Variants in BID observed in about 807,000 individuals in gnomAD.
BID encodes the protein BH3-interacting domain death agonist.
A neutral mutation model predicts 17.4 loss-of-function variants in BID; 19 were observed. The ratio of observed to expected loss-of-function variants is 1.09; its 90% CI spans 0.76 to 1.60. The LOEUF (loss-of-function observed/expected upper bound fraction) is 1.60. Ranked by LOEUF, BID falls within the 40% of genes most tolerant of loss-of-function variation. The pLI, the probability that BID is intolerant of heterozygous loss-of-function variation, is 0.00. For synonymous variants in BID, 108 were observed against 102.8 expected, an observed-to-expected ratio of 1.05 and a Z score of -0.31; for missense variants, 226 against 256.0, an observed-to-expected ratio of 0.88 and a Z score of 0.80.
chr22:17,763,363 C>T (rs569059589), intron 1 of BID, among the ~76,000 whole-genome samples: 1 of 152,168 alleles, frequency 6.6e-6, no homozygotes, highest in South Asian at 2.1e-4. Context: ...CCTGCCTCAG[C>T]CTCCCAAGTA....
chr22:17,770,656 C>T (rs747543470), intron 1 of BID, among the ~76,000 whole-genome samples: 2 of 152,270 alleles, frequency 1.3e-5, no homozygotes, highest in Non-Finnish European at 2.9e-5. Context: ...AGGGCCGTGA[C>T]GGCGGCGGGG....
chr22:17,749,995 G>T, intron 2 of BID, 110 bp downstream of exon 2: 2 of 1,092,750 alleles, frequency 1.8e-6, no homozygotes, highest in Non-Finnish European at 2.7e-6. Flanking sequence ...TGTGGTAAGG[G>T]CCAGGCGGGC....
Position 17,773,705 on chromosome 22 carries a change from G to A in BID, c.-59+676C>T. On this transcript the variant is annotated intron_variant, in intron 1 of 5. Coordinates refer to ENST00000622694, the MANE Select transcript of BID (RefSeq NM_001196.4). This position sits in a 1 kb window ranked among gnomAD's most constrained non-coding sequence, Gnocchi z 4.4. Reference sequence around the variant, plus strand: ...CGCTGCACATTCGTATTTGTTGAATGAATGAATGAACCCTTGCCAGCCCAG... The same window carrying A: ...CGCTGCACATTCGTATTTGTTGAATAAATGAATGAACCCTTGCCAGCCCAG... The A allele has an allele frequency of 6.2e-7, 1 of 1,606,340 alleles. No individual in the cohort carries two copies. Among genetic ancestry groups the A allele is most frequent in the Non-Finnish European group, 8.5e-7 (1 of 1,179,516 alleles).
chr22:17,746,029 T>C (rs1398596357), intron 2 of BID, among the ~76,000 whole-genome samples: 1 of 152,130 alleles, frequency 6.6e-6, no homozygotes, highest in African/African-American at 2.4e-5. Context: ...AGCTTGTGTA[T>C]TGCTGCAGCC....
intron 2 of BID, among the ~76,000 whole-genome samples, chr22:17,745,921 G>A (rs76632669): frequency 0.036 from 5,526 of 152,020 alleles, 154 homozygotes; most frequent in East Asian, 0.086. Flanking sequence ...AGCCGAGATC[G>A]CGCCATTGCA....
chr22:17,752,294 G>T (rs573066741), intron 1 of BID, among the ~76,000 whole-genome samples: 3 of 152,154 alleles, frequency 2.0e-5, no homozygotes, highest in African/African-American at 4.8e-5. Context: ...ATTTATGGGG[G>T]GTGTGCTCCT....
chr22:17,739,876 G>T, intron 3 of BID: 1 of 632,218 alleles, frequency 1.6e-6, no homozygotes, highest in Non-Finnish European at 2.8e-6. Flanking sequence ...GGGCTCTGTG[G>T]GCAGACGGCA....
chr22:17,758,834 A>G (rs1360323686), intron 1 of BID, among the ~76,000 whole-genome samples: 1 of 152,210 alleles, frequency 6.6e-6, no homozygotes, highest in Non-Finnish European at 1.5e-5. Context: ...TTGCACGACA[A>G]TGAGACTGTA....
At chr22:17,739,218 T>C in intron 4 of BID, 131 bp downstream of exon 4, 1 of 1,224,034 alleles carries the variant, frequency 8.2e-7, no homozygotes, top group Non-Finnish European at 1.1e-6. Context: ...TCCAGTTACT[T>C]CGTCAGAGTT....
intron 1 of BID, among the ~76,000 whole-genome samples, chr22:17,763,960 C>T (rs1198083416): frequency 2.0e-5 from 3 of 151,186 alleles, no homozygotes; most frequent in Non-Finnish European, 4.4e-5. Context: ...CCAGGAAACA[C>T]AACCAAAACT....
At position 17,739,465 on chromosome 22, in the gene BID, T is replaced by C. The variant is rs1246232157; in HGVS notation, c.247A>G (p.Ile83Val). Residue 83 changes from isoleucine (I) to valine (V), a missense_variant, in exon 4 of 6, where the codon ATC (isoleucine) becomes GTC (valine). Ile to Val is a conservative substitution (Grantham distance 29, BLOSUM62 3). Transcript: ENST00000622694. ...GCGAGGTGCCTGGCAATATTCCGGATGATGTCTTCTTGACTTTCAGAATCT... is the reference window on the plus strand; with the variant it reads ...GCGAGGTGCCTGGCAATATTCCGGACGATGTCTTCTTGACTTTCAGAATCT... ...EADSESQEDI[I>V]RNIARHLAQV... The C allele has an allele frequency of 6.2e-7, 1 of 1,612,336 alleles. No individual in the cohort carries two copies.
At position 17,759,251 on chromosome 22, in the gene BID, A is replaced by AAAAAAAACAAAAC. The variant is rs1555906749; in HGVS notation, c.-58-9078_-58-9077insGTTTTGTTTTTTT. Among the ~76,000 whole-genome samples the AAAAAAAACAAAAC allele has an allele frequency of 4.0e-3, 485 of 121,310 alleles. 6 individuals carry two copies. Among genetic ancestry groups the AAAAAAAACAAAAC allele is most frequent in the African/African-American group, 0.013 (462 of 34,256 alleles). The allele number at this position is 121,310 out of a possible 152,430, so 79.6% of individuals were successfully genotyped here. On this transcript the variant is annotated intron_variant, in intron 1 of 5. Transcript: ENST00000622694. ...TCTCAAAACAAAAAACAAAACAAAAAAAAAAAAACAAAAGAACCAGGTGTG... is the reference window on the plus strand; with the variant it reads ...TCTCAAAACAAAAAACAAAACAAAAAAAAAAAACAAAACAAAAAAAACAAAAGAACCAGGTGTG...
intron 1 of BID, among the ~76,000 whole-genome samples, chr22:17,762,705 T>G (rs1238348457): frequency 1.3e-5 from 2 of 151,096 alleles, no homozygotes; most frequent in Non-Finnish European, 2.9e-5. Flanking sequence ...TAAGGACCAC[T>G]GTGACTGGCC....
At chr22:17,736,351 G>T (rs919065741) in intron 5 of BID, among the ~76,000 whole-genome samples, 3 of 151,930 alleles carry the variant, frequency 2.0e-5, no homozygotes, top group African/African-American at 2.4e-5. Context: ...CAGCTTCTTG[G>T]GGGGCTGAGG....
chr22:17,757,402 C>CAA (rs34545330), intron 1 of BID, among the ~76,000 whole-genome samples: 3,038 of 60,680 alleles, frequency 0.05, 88 homozygotes, highest in Middle Eastern at 0.079. Flanking sequence ...GACCCTGTCC[C>CAA]AAAAAAAAAA....
intron 1 of BID, among the ~76,000 whole-genome samples, chr22:17,764,965 C>G (rs1429596370): frequency 6.6e-6 from 1 of 152,198 alleles, no homozygotes; most frequent in East Asian, 1.9e-4. Context: ...AAGTGCCTTC[C>G]CCAACAACAT....
intron 3 of BID, among the ~76,000 whole-genome samples, chr22:17,742,244 G>C (rs960804088): frequency 6.6e-6 from 1 of 151,682 alleles, no homozygotes; most frequent in East Asian, 1.9e-4. Flanking sequence ...AGTCAACCCC[G>C]GTTTCTCAGT....
At chr22:17,758,902 A>G (rs2061613202) in intron 1 of BID, among the ~76,000 whole-genome samples, 1 of 120,344 alleles carries the variant, frequency 8.3e-6, no homozygotes, top group African/African-American at 3.4e-5. Context: ...CTTATGCTAT[A>G]TCTATTTTAC....
chr22:17,743,775 G>A (rs752491643), intron 3 of BID, 28 bp downstream of exon 3: 6 of 1,588,624 alleles, frequency 3.8e-6, no homozygotes, highest in Admixed American at 3.5e-5. Flanking sequence ...GCCCAGCTTT[G>A]GGGAAGGAGG....
Sources: allele counts gnomAD v4.1 joint callset (sites outside exome capture counted in the v4.1 genomes callset), GRCh38; gene constraint gnomAD v4.1.1; non-coding constraint Gnocchi (gnomAD v3.1); transcripts MANE v1.5; gene names NCBI Gene and HGNC (gene_info 2026-07-23, HGNC 2026-07-21).